Variants in EXOC1 observed in about 807,000 individuals in gnomAD.
The protein encoded by EXOC1 is SEC3-like 1.
In EXOC1, 67 loss-of-function variants were observed where a neutral mutation model predicts 107.7. The ratio of observed to expected loss-of-function variants is 0.62; its 90% CI spans 0.51 to 0.76. The LOEUF (loss-of-function observed/expected upper bound fraction) is 0.76. Ranked by LOEUF, EXOC1 falls within the 30% of genes least tolerant of loss-of-function variation. EXOC1 has a pLI of 0.00. For missense variants in EXOC1, 833 were observed against 1,055.7 expected, an observed-to-expected ratio of 0.79 and a Z score of 2.92; for synonymous variants, 348 against 353.5, an observed-to-expected ratio of 0.98 and a Z score of 0.17.
At chr4:55,866,540 T>C (rs901178037) in intron 4 of EXOC1, among the ~76,000 whole-genome samples, 5 of 152,224 alleles carry the variant, frequency 3.3e-5, no homozygotes, top group African/African-American at 1.2e-4. Flanking sequence ...GAGTCACAAC[T>C]GACCTAAATA....
chr4:55,895,664 T>C, intron 15 of EXOC1, among the ~76,000 whole-genome samples: 1 of 152,206 alleles, frequency 6.6e-6, no homozygotes, highest in East Asian at 1.9e-4. Flanking sequence ...AGTGTAATCA[T>C]TCCTACTGAG....
intron 3 of EXOC1, among the ~76,000 whole-genome samples, chr4:55,863,982 T>G (rs77214800): frequency 1.3e-5 from 2 of 152,332 alleles, no homozygotes; most frequent in East Asian, 3.9e-4. Flanking sequence ...ATACTTCTAC[T>G]CATAGACCTA....
intron 3 of EXOC1, 54 bp downstream of exon 3, chr4:55,860,595 A>G: frequency 6.3e-7 from 1 of 1,598,502 alleles, no homozygotes; most frequent in Non-Finnish European, 8.6e-7. Context: ...TTCATTTTAT[A>G]ACATGGTATT....
At chr4:55,892,916 T>C (rs1577761753) in intron 14 of EXOC1, among the ~76,000 whole-genome samples, 1 of 152,224 alleles carries the variant, frequency 6.6e-6, no homozygotes, top group East Asian at 1.9e-4. Context: ...GCTCCAGGAC[T>C]TACAGAAGAT....
rs1403288016 is a variant in EXOC1, at chr4:55,888,892, A to G, written c.1335A>G (p.Thr445=). Residue 445 remains threonine (T), a synonymous_variant, in exon 11 of 19, where the codon ACA becomes ACG. Coordinates refer to ENST00000381295, the MANE Select transcript of EXOC1 (RefSeq NM_001024924.2). ...GTTKESKKFA[T]LPRKESAVKQ... ...TTGCAACCTAATCCATCACAGCTAC[A>G]CTGCCTCGAAAAGAAAGTGCTGTCA... is the stretch of plus-strand genomic sequence containing the variant. 11 of 1,613,586 alleles carry G rather than the reference A, an allele frequency of 6.8e-6. No homozygotes were observed. Among genetic ancestry groups the G allele is most frequent in the Admixed American group, 1.7e-5 (1 of 59,970 alleles).
intron 13 of EXOC1, among the ~76,000 whole-genome samples, chr4:55,891,840 C>T (rs933806061): frequency 6.6e-6 from 1 of 152,106 alleles, no homozygotes; most frequent in Non-Finnish European, 1.5e-5. Flanking sequence ...GAAAATGAGG[C>T]CTCAGATTTG....
At chr4:55,873,652 G>T (rs1331158005) in intron 8 of EXOC1, among the ~76,000 whole-genome samples, 1 of 152,154 alleles carries the variant, frequency 6.6e-6, no homozygotes, top group Admixed American at 6.5e-5. Flanking sequence ...GTTATTACAT[G>T]TGAGTGATGC....
chr4:55,875,167 C>T (rs1722775519), intron 8 of EXOC1, among the ~76,000 whole-genome samples: 1 of 152,136 alleles, frequency 6.6e-6, no homozygotes, highest in Admixed American at 6.6e-5. Flanking sequence ...AAATTTTTCT[C>T]TCAACATACA....
At chr4:55,896,681 G>A in intron 15 of EXOC1, 36 bp from the exon 16 acceptor site, 1 of 1,521,078 alleles carries the variant, frequency 6.6e-7, no homozygotes. Flanking sequence ...AAAGTTGCTT[G>A]GTTATTTATC....
At position 55,860,480 on chromosome 4, in the gene EXOC1, A is replaced by G. The variant is rs1384368526; in HGVS notation, c.194A>G (p.Lys65Arg). Reference protein sequence around the residue: ...VKKSDKGDFYKRQIAWALRDL... With the variant: ...VKKSDKGDFYRRQIAWALRDL... ...AAATCCGATAAGGGAGATTTCTACAAAAGGCAGATTGCATGGGCCCTTCGA... is the reference window on the plus strand; with the variant it reads ...AAATCCGATAAGGGAGATTTCTACAGAAGGCAGATTGCATGGGCCCTTCGA... The change falls in exon 3 of 19, where the codon AAA (lysine) becomes AGA (arginine). Residue 65 changes from lysine (K) to arginine (R), a missense_variant. This residue lies in a region of EXOC1 where 617 missense variants were observed against 701.3 expected (regional missense o/e 0.88). Coordinates refer to ENST00000381295, the MANE Select transcript of EXOC1 (RefSeq NM_001024924.2). The G allele has an allele frequency of 6.2e-7, 1 of 1,614,122 alleles. No individual in the cohort carries two copies.
At chr4:55,855,187 A>G (rs1354269488) in intron 1 of EXOC1, among the ~76,000 whole-genome samples, 2 of 152,232 alleles carry the variant, frequency 1.3e-5, no homozygotes, top group African/African-American at 4.8e-5. Context: ...GTCTTTTAAA[A>G]TTATCTTGTT....
intron 2 of EXOC1, among the ~76,000 whole-genome samples, chr4:55,858,733 CT>C (rs1303174480): frequency 6.6e-6 from 1 of 152,100 alleles, no homozygotes; most frequent in Non-Finnish European, 1.5e-5. Context: ...TGAAATTTAC[CT>C]GTTTAAGCCT....
At chr4:55,887,273 G>T (rs1242129562) in intron 10 of EXOC1, among the ~76,000 whole-genome samples, 1 of 151,654 alleles carries the variant, frequency 6.6e-6, no homozygotes, top group Non-Finnish European at 1.5e-5. Context: ...TTCTATTATT[G>T]TTTCTCCGCT....
intron 8 of EXOC1, among the ~76,000 whole-genome samples, chr4:55,874,571 C>A (rs1468163182): frequency 9.9e-5 from 15 of 152,134 alleles, no homozygotes; most frequent in Admixed American, 4.6e-4. Flanking sequence ...TGATCCAGAG[C>A]ATGCTATCTG....
intron 15 of EXOC1, among the ~76,000 whole-genome samples, chr4:55,895,866 A>G (rs1374919550): frequency 5.9e-5 from 9 of 152,336 alleles, no homozygotes; most frequent in Non-Finnish European, 8.8e-5. Context: ...GGAAATGCCT[A>G]TCCTCCCTCT....
At position 55,870,853 on chromosome 4, in the gene EXOC1, A is replaced by G; in HGVS notation, c.779A>G (p.His260Arg). 2 of 1,613,960 alleles carry G rather than the reference A, an allele frequency of 1.2e-6. No individual in the cohort carries two copies. Among genetic ancestry groups the G allele is most frequent in the Non-Finnish European group, 1.7e-6 (2 of 1,179,940 alleles). The change falls in exon 6 of 19, where the codon CAT becomes CGT. Residue 260 changes from histidine (H) to arginine (R), a missense_variant. Physicochemically the swap from His to Arg is conservative, Grantham distance 29. This residue lies in a region of EXOC1 where 617 missense variants were observed against 701.3 expected (regional missense o/e 0.88). Coordinates refer to ENST00000381295, the MANE Select transcript of EXOC1 (RefSeq NM_001024924.2). ...ATCTCTGAAAGCAACCACCTAATTC[A>G]TCTTAGTAACACTAATAATGTAAAA... ...DQISESNHLI[H>R]LSNTNNVKLL...
At chr4:55,863,343 A>G (rs1226673588) in intron 3 of EXOC1, among the ~76,000 whole-genome samples, 2 of 152,176 alleles carry the variant, frequency 1.3e-5, no homozygotes, top group Non-Finnish European at 2.9e-5. Context: ...TCTTTATCAC[A>G]TGAAAGAACG....
intron 18 of EXOC1, among the ~76,000 whole-genome samples, chr4:55,903,836 C>G (rs1726295339): frequency 6.6e-6 from 1 of 152,044 alleles, no homozygotes; most frequent in Non-Finnish European, 1.5e-5. Flanking sequence ...GGGTCTGAGT[C>G]ATTTTGCTGT....
At chr4:55,859,521 T>C (rs928381763) in intron 2 of EXOC1, among the ~76,000 whole-genome samples, 1 of 152,152 alleles carries the variant, frequency 6.6e-6, no homozygotes, top group African/African-American at 2.4e-5. Context: ...TCTAATTATA[T>C]GTAGACTTTT....
Sources: gnomAD v4.1 joint callset for allele counts (sites outside exome capture counted in the v4.1 genomes callset) on GRCh38, gnomAD v4.1.1 for gene constraint, gnomAD v4.1.1 regional missense constraint, MANE v1.5 for transcripts, NCBI Gene and HGNC (gene_info 2026-07-23, HGNC 2026-07-21) for gene names.